Variants in ABLIM1 observed in about 807,000 individuals in gnomAD.
ABLIM1 encodes actin-binding LIM protein 1.
A neutral mutation model predicts 107.0 loss-of-function variants in ABLIM1; 40 were observed. The observed-to-expected ratio is 0.37, with a 90% confidence interval of 0.29 to 0.49. ABLIM1 has a LOEUF of 0.49. Ranked by LOEUF, ABLIM1 falls within the 20% of genes least tolerant of loss-of-function variation. ABLIM1 has a pLI of 0.97. For missense variants in ABLIM1, 857 were observed against 1,008.5 expected, an observed-to-expected ratio of 0.85 and a Z score of 2.04; for synonymous variants, 357 against 357.3, an observed-to-expected ratio of 1.00 and a Z score of 0.01.
chr10:114,583,468 C>CACAT (rs1342722676), intron 2 of ABLIM1, among the ~76,000 whole-genome samples: 1 of 15,108 alleles, frequency 6.6e-5, no homozygotes, highest in Non-Finnish European at 1.2e-4. Flanking sequence ...CACACACACA[C>CACAT]ATATATATAT....
chr10:114,781,508 A>G, the ABLIM1 span, among the ~76,000 whole-genome samples: 1 of 148,922 alleles, frequency 6.7e-6, no homozygotes, highest in African/African-American at 2.5e-5. Context: ...TGTCTCAAAA[A>G]AAGAAAAAAA....
chr10:114,741,478 G>C (rs1045957257), intron 1 of ABLIM1, among the ~76,000 whole-genome samples: 1 of 151,972 alleles, frequency 6.6e-6, no homozygotes, highest in Non-Finnish European at 1.5e-5. Flanking sequence ...GCCCGCCTCA[G>C]CCTCCCAAAG....
intron 2 of ABLIM1, among the ~76,000 whole-genome samples, chr10:114,591,701 G>C (rs1320354159): frequency 6.6e-6 from 1 of 152,150 alleles, no homozygotes; most frequent in Non-Finnish European, 1.5e-5. Context: ...TTAATAATTT[G>C]TAAATAACTA....
At chr10:114,697,255 GT>G (rs1317097536) in intron 1 of ABLIM1, among the ~76,000 whole-genome samples, 2 of 152,156 alleles carry the variant, frequency 1.3e-5, no homozygotes, top group African/African-American at 4.8e-5. Context: ...GGCCACTCTG[GT>G]TTTTTGAGAA....
chr10:114,633,782 C>T (rs1018049338), intron 1 of ABLIM1, among the ~76,000 whole-genome samples: 1 of 152,160 alleles, frequency 6.6e-6, no homozygotes, highest in Non-Finnish European at 1.5e-5. Context: ...TTTCCCACTC[C>T]TAATCACCCT....
At chr10:114,791,264 T>A in the ABLIM1 span, among the ~76,000 whole-genome samples, 6 of 152,148 alleles carry the variant, frequency 3.9e-5, no homozygotes, top group South Asian at 1.2e-3. Flanking sequence ...AAACAAAAAA[T>A]TGTTTGTAGA....
At chr10:114,533,947 G>C (rs2065714302) in intron 6 of ABLIM1, among the ~76,000 whole-genome samples, 1 of 152,118 alleles carries the variant, frequency 6.6e-6, no homozygotes, top group Non-Finnish European at 1.5e-5. Flanking sequence ...CAAAGTGCTG[G>C]GATTACAAGC....
intron 6 of ABLIM1, among the ~76,000 whole-genome samples, chr10:114,497,987 T>C (rs182061436): frequency 9.9e-4 from 151 of 152,300 alleles, no homozygotes; most frequent in African/African-American, 3.5e-3. Flanking sequence ...TCTACTCTAA[T>C]GCAAAATTTA....
At chr10:114,495,604 TGTG>T (rs1324377488) in intron 6 of ABLIM1, among the ~76,000 whole-genome samples, 9 of 152,034 alleles carry the variant, frequency 5.9e-5, no homozygotes, top group African/African-American at 2.2e-4. Flanking sequence ...GTGACGATGA[TGTG>T]GTGGTGATGA....
intron 6 of ABLIM1, among the ~76,000 whole-genome samples, chr10:114,494,965 T>C (rs1354841053): frequency 1.3e-5 from 2 of 152,200 alleles, no homozygotes; most frequent in East Asian, 3.9e-4. Flanking sequence ...AGCCTAATTT[T>C]CTTCAACCCC....
chr10:114,463,429 C>A (rs1308217840), intron 12 of ABLIM1, among the ~76,000 whole-genome samples: 1 of 152,034 alleles, frequency 6.6e-6, no homozygotes, highest in Non-Finnish European at 1.5e-5. Context: ...GAAATGGTCA[C>A]CCGGATGGTC....
At chr10:114,445,762 G>A (rs896201437) in intron 15 of ABLIM1, among the ~76,000 whole-genome samples, 1 of 152,140 alleles carries the variant, frequency 6.6e-6, no homozygotes. Context: ...TGTCTTTGAA[G>A]TGAATTTCCT....
At chr10:114,558,126 G>A (rs539841975) in intron 4 of ABLIM1, among the ~76,000 whole-genome samples, 29 of 152,180 alleles carry the variant, frequency 1.9e-4, no homozygotes, top group African/African-American at 6.3e-4. Context: ...AGCGAGCAGC[G>A]GGACCCAGAC....
chr10:114,699,526 G>A (rs1273111505), intron 1 of ABLIM1, among the ~76,000 whole-genome samples: 1 of 152,036 alleles, frequency 6.6e-6, no homozygotes, highest in East Asian at 1.9e-4. Context: ...AGTGTGGGTA[G>A]GAGAAGAGAA....
At chr10:114,583,131 T>C (rs999620140) in intron 2 of ABLIM1, among the ~76,000 whole-genome samples, 4 of 151,662 alleles carry the variant, frequency 2.6e-5, no homozygotes, top group African/African-American at 4.8e-5. Context: ...AAGTCTATTA[T>C]ACAGAATCTA....
chr10:114,797,966 TA>T, the ABLIM1 span, among the ~76,000 whole-genome samples: 1 of 152,190 alleles, frequency 6.6e-6, no homozygotes, highest in Non-Finnish European at 1.5e-5. Context: ...GAACTGACTA[TA>T]AAAAAACTGT....
chr10:114,510,149 C>T (rs1027894681), intron 6 of ABLIM1, among the ~76,000 whole-genome samples: 2 of 152,194 alleles, frequency 1.3e-5, no homozygotes, highest in African/African-American at 4.8e-5. Flanking sequence ...AACCATATCA[C>T]TGCCTATACC....
chr10:114,639,620 C>T (rs980629318), intron 1 of ABLIM1, among the ~76,000 whole-genome samples: 1 of 152,176 alleles, frequency 6.6e-6, no homozygotes. Flanking sequence ...GTGAGGACAG[C>T]GGCAGCTTCA....
chr10:114,517,452 C>T (rs1032286899), intron 6 of ABLIM1, among the ~76,000 whole-genome samples: 5 of 152,086 alleles, frequency 3.3e-5, no homozygotes, highest in African/African-American at 1.2e-4. Context: ...CCCAGAAGAA[C>T]CCCCACTCCA....
Sources: gnomAD v4.1 joint callset for allele counts (sites outside exome capture counted in the v4.1 genomes callset) on GRCh38, gnomAD v4.1.1 for gene constraint, MANE v1.5 for transcripts, NCBI Gene and HGNC (gene_info 2026-07-23, HGNC 2026-07-21) for gene names.